Variants in DPP10 observed in about 807,000 individuals in gnomAD.
DPP10 encodes the protein dipeptidyl peptidase like 10.
A neutral mutation model predicts 120.9 loss-of-function variants in DPP10; 33 were observed. The observed-to-expected ratio is 0.27, with a 90% CI of 0.21 to 0.37. The LOEUF is 0.37. DPP10 is among the 10% of genes least tolerant of loss of function. The pLI, the probability that DPP10 is intolerant of heterozygous loss-of-function variation, is 1.00. For missense variants in DPP10, 816 were observed against 942.8 expected, an observed-to-expected ratio of 0.87 and a Z score of 1.76; for synonymous variants, 337 against 326.1, an observed-to-expected ratio of 1.03 and a Z score of -0.36.
chr2:115,440,332 G>T (rs892687860), intron 3 of DPP10, among the ~76,000 whole-genome samples: 1 of 152,054 alleles, frequency 6.6e-6, no homozygotes, highest in Non-Finnish European at 1.5e-5. Context: ...AAGTTCAATG[G>T]CATATTCCGC....
At chr2:115,002,070 C>G (rs1701478906) in intron 1 of DPP10, among the ~76,000 whole-genome samples, 2 of 152,010 alleles carry the variant, frequency 1.3e-5, no homozygotes, top group Admixed American at 1.3e-4. Context: ...CCCAAATAGC[C>G]AAGGCAATCC....
intron 21 of DPP10, among the ~76,000 whole-genome samples, chr2:115,827,345 A>ATATGTATATGTATATG (rs1688440932): frequency 2.4e-4 from 7 of 28,996 alleles, no homozygotes; most frequent in African/African-American, 4.1e-4. Flanking sequence ...ATATGTATAT[A>ATATGTATATGTATATG]TATGTACATA....
chr2:115,384,230 C>T (rs2066675209), intron 3 of DPP10, among the ~76,000 whole-genome samples: 1 of 152,010 alleles, frequency 6.6e-6, no homozygotes, highest in Admixed American at 6.6e-5. Flanking sequence ...GAACCCAGTC[C>T]AGGCAGGTTG....
intron 1 of DPP10, among the ~76,000 whole-genome samples, chr2:115,022,480 C>T (rs999910982): frequency 6.6e-6 from 1 of 151,828 alleles, no homozygotes; most frequent in South Asian, 2.1e-4. Context: ...AACAACAAAA[C>T]ACTGCTGAAA....
intron 21 of DPP10, among the ~76,000 whole-genome samples, chr2:115,820,727 C>G (rs1328879550): frequency 6.6e-6 from 1 of 151,974 alleles, no homozygotes; most frequent in Non-Finnish European, 1.5e-5. Context: ...ATAATGGTCT[C>G]CAATTCCATC....
rs887573315 is a variant in DPP10 at position 115,698,787 on chromosome 2, T to G, written c.576+8866T>G. Among the ~76,000 whole-genome samples the G allele has an allele frequency of 7.9e-5, 12 of 152,086 alleles. 1 individual carries two copies. Among genetic ancestry groups the G allele is most frequent in the African/African-American group, 2.9e-4 (12 of 41,428 alleles). On this transcript the variant is annotated intron_variant, in intron 7 of 25. Coordinates refer to ENST00000410059, the MANE Select transcript of DPP10 (RefSeq NM_020868.6). ...CTGTTATAAACTGCACTGTCTTTGG[T>G]ATTTTGTTATGGAAGGCTGAAAGGA... is the stretch of plus-strand genomic sequence containing the variant.
In DPP10 at chr2:115,085,044, G is replaced by A. The variant is rs79766524; in HGVS notation, c.61-224195G>A. On this transcript the variant is annotated intron_variant, in intron 1 of 25. Coordinates refer to ENST00000410059, the MANE Select transcript of DPP10 (RefSeq NM_020868.6). The stretch of plus-strand genomic sequence containing the variant: ...AAGAGCACAGAGCCAAATGTGGCAA[G>A]AGATGGCAATAGAGAAAATGCCAAG... Among the ~76,000 whole-genome samples the A allele has an allele frequency of 7.5e-3, 1,148 of 152,320 alleles. 11 individuals carry two copies. The highest frequency in any genetic ancestry group is 0.027 in the African/African-American group (1,103 of 41,584).
intron 1 of DPP10, among the ~76,000 whole-genome samples, chr2:115,168,777 T>G (rs2053096810): frequency 6.6e-6 from 1 of 152,308 alleles, no homozygotes; most frequent in Middle Eastern, 3.4e-3. Context: ...AAGAAAGCTC[T>G]TCTATTGTAG....
rs371570575 is a variant in DPP10, at chr2:114,772,348, T to TG, written c.60+329514dup. Among the ~76,000 whole-genome samples, 506 of 152,030 alleles carry TG rather than the reference T, an allele frequency of 3.3e-3. 4 individuals carry two copies. Among genetic ancestry groups the TG allele is most frequent in the Admixed American group, 9.4e-3 (144 of 15,258 alleles). On this transcript the variant is annotated intron_variant, in intron 1 of 25. Coordinates refer to ENST00000410059, the MANE Select transcript of DPP10 (RefSeq NM_020868.6). ...AATTGTTTTGCATTTTTAGTAGAGATGGGGTCTCACCATGTTGACCAGGCT... is the reference window on the plus strand; with the variant it reads ...AATTGTTTTGCATTTTTAGTAGAGATGGGGGTCTCACCATGTTGACCAGGCT...
intron 13 of DPP10, among the ~76,000 whole-genome samples, chr2:115,775,877 T>C (rs1045301759): frequency 2.6e-5 from 4 of 152,184 alleles, no homozygotes; most frequent in Non-Finnish European, 5.9e-5. Flanking sequence ...ATTAACTGCA[T>C]TTAAATTTTC....
At chr2:115,745,412 T>G (rs920262690) in intron 9 of DPP10, among the ~76,000 whole-genome samples, 8 of 150,540 alleles carry the variant, frequency 5.3e-5, no homozygotes, top group Non-Finnish European at 8.8e-5. Context: ...GTTGATTCAC[T>G]GAACTCAAAT....
At chr2:114,650,883 C>T (rs1696531713) in intron 1 of DPP10, among the ~76,000 whole-genome samples, 4 of 152,186 alleles carry the variant, frequency 2.6e-5, no homozygotes, top group Non-Finnish European at 5.9e-5. Flanking sequence ...TTGGTACATA[C>T]TCTTTTTACT....
chr2:114,883,663 G>A (rs1312944558), intron 1 of DPP10, among the ~76,000 whole-genome samples: 8 of 152,154 alleles, frequency 5.3e-5, no homozygotes, highest in Admixed American at 5.2e-4. Flanking sequence ...AAACAGATGT[G>A]TATCTACATT....
At chr2:114,752,041 C>T (rs761314338) in intron 1 of DPP10, among the ~76,000 whole-genome samples, 1 of 152,204 alleles carries the variant, frequency 6.6e-6, no homozygotes, top group East Asian at 1.9e-4. Flanking sequence ...TTACTAGTTC[C>T]TACCCCCAGA....
chr2:115,756,822 G>A (rs1463929371), intron 11 of DPP10, among the ~76,000 whole-genome samples: 1 of 152,000 alleles, frequency 6.6e-6, no homozygotes, highest in African/African-American at 2.4e-5. Flanking sequence ...TCGAGAGGTT[G>A]GCATCTGGTG....
At chr2:114,475,381 T>C (rs1282264374) in intron 1 of DPP10, among the ~76,000 whole-genome samples, 1 of 152,234 alleles carries the variant, frequency 6.6e-6, no homozygotes, top group Non-Finnish European at 1.5e-5. Context: ...ACCCAGTTGT[T>C]ATTGCCATTT....
At chr2:115,435,967 G>C (rs535227931) in intron 3 of DPP10, among the ~76,000 whole-genome samples, 5 of 151,918 alleles carry the variant, frequency 3.3e-5, no homozygotes, top group African/African-American at 1.2e-4. Context: ...TCCAATGCAT[G>C]TTCTTGGCAC....
chr2:115,202,987 T>C (rs146857436), intron 1 of DPP10, among the ~76,000 whole-genome samples: 250 of 152,268 alleles, frequency 1.6e-3, no homozygotes, highest in Admixed American at 3.7e-3. Flanking sequence ...AAAAAATCTT[T>C]TGGAGTTAAT....
intron 1 of DPP10, among the ~76,000 whole-genome samples, chr2:114,728,163 G>A (rs1034265946): frequency 6.6e-6 from 1 of 152,194 alleles, no homozygotes; most frequent in African/African-American, 2.4e-5. Flanking sequence ...TTGGCGAACA[G>A]ACCACTAAGG....
Sources: allele counts gnomAD v4.1 joint callset (sites outside exome capture counted in the v4.1 genomes callset), GRCh38; gene constraint gnomAD v4.1.1; transcripts MANE v1.5; gene names NCBI Gene and HGNC (gene_info 2026-07-23, HGNC 2026-07-21).